The following HSD3B2 variants were observed in gnomAD, a reference collection of about 807,000 sequenced individuals.
HSD3B2 encodes the protein 3 beta-hydroxysteroid dehydrogenase/Delta 5-->4-isomerase type 2.
In HSD3B2, 8 loss-of-function variants were observed where a neutral mutation model predicts 9.9. The observed-to-expected ratio is 0.81, with a 90% CI of 0.47 to 1.46. HSD3B2 has a LOEUF of 1.46. HSD3B2 is among the 40% of genes most tolerant of loss of function. The probability of loss-of-function intolerance (pLI) is 0.00; values close to 1 mark genes in which losing one functional copy is unlikely to be tolerated. For synonymous variants in HSD3B2, 221 were observed against 184.5 expected, an observed-to-expected ratio of 1.20 and a Z score of -1.60; for missense variants, 410 against 448.3, an observed-to-expected ratio of 0.91 and a Z score of 0.77.
intron 3 of HSD3B2, among the ~76,000 whole-genome samples, chr1:119,421,417 G>GTATATATATGTATATATATATATGTA (rs1651858673): frequency 1.1e-5 from 1 of 90,334 alleles, no homozygotes; most frequent in African/African-American, 9.0e-5. Context: ...ATATATATAT[G>GTATATATATGTATATATATATATGTA]TATATATATG....
In HSD3B2 at chr1:119,422,989, A is replaced by C; in HGVS notation, c.*369A>C. Reference sequence around the variant, plus strand: ...TCTCTTTAATCTCCTATTCCTTCACACAGTTCAACATAAAGAGCAATAAAT... The same window carrying C: ...TCTCTTTAATCTCCTATTCCTTCACCCAGTTCAACATAAAGAGCAATAAAT... On this transcript the variant is annotated 3_prime_UTR_variant, in exon 4 of 4. Coordinates refer to ENST00000369416, the MANE Select transcript of HSD3B2 (RefSeq NM_000198.4). The C allele has an allele frequency of 2.5e-6, 1 of 397,222 alleles. No individual in the cohort carries two copies. The highest frequency in any genetic ancestry group is 2.0e-5 in the African/African-American group (1 of 50,070). 24.6% of individuals were successfully genotyped at this position (397,222 alleles called of 1,614,324 possible).
At chr1:119,415,065 C>A, upstream of HSD3B2, 1 of 330,000 alleles carries the variant, frequency 3.0e-6, no homozygotes, top group Non-Finnish European at 5.9e-6. Context: ...GAGGAGGGAG[C>A]AATGAGTATG....
At chr1:119,420,090 G>A (rs778135829) in intron 3 of HSD3B2, among the ~76,000 whole-genome samples, 6 of 152,110 alleles carry the variant, frequency 3.9e-5, no homozygotes, top group African/African-American at 4.8e-5. Flanking sequence ...GGTTCACAGA[G>A]GTCTGTCAGG....
At chr1:119,417,976 G>A (rs1239681466) in intron 2 of HSD3B2, among the ~76,000 whole-genome samples, 1 of 152,114 alleles carries the variant, frequency 6.6e-6, no homozygotes, top group Non-Finnish European at 1.5e-5. Flanking sequence ...CGAGATAGCT[G>A]TAAAAGGAAA....
chr1:119,419,473 A>T lies in HSD3B2; in HGVS notation c.198A>T (p.Pro66=). The change falls in exon 3 of 4, where the codon CCA becomes CCT. Residue 66 remains proline, a synonymous_variant. Coordinates refer to ENST00000369416, the MANE Select transcript of HSD3B2 (RefSeq NM_000198.4). ...TVLEGDILDE[P]FLKRACQDVS... The stretch of plus-strand genomic sequence containing the variant: ...TTGAAGGAGACATTCTGGATGAGCC[A>T]TTCCTGAAAAGAGCCTGCCAGGACG... The T allele has an allele frequency of 1.2e-6, 2 of 1,613,722 alleles. No individual in the cohort carries two copies. Among genetic ancestry groups the T allele is most frequent in the Non-Finnish European group, 1.7e-6 (2 of 1,179,772 alleles).
At chr1:119,419,927 G>C (rs587722573) in intron 3 of HSD3B2, 3 of 343,428 alleles carry the variant, frequency 8.7e-6, no homozygotes, top group Non-Finnish European at 1.7e-5. Flanking sequence ...TCAAATTCAC[G>C]ATATCCAGCT....
chr1:119,415,642 T>C, intron 2 of HSD3B2, 81 bp downstream of exon 2: 4 of 1,465,474 alleles, frequency 2.7e-6, no homozygotes, highest in Non-Finnish European at 3.8e-6. Flanking sequence ...GTCTAGCAAG[T>C]TAAGGAAAGT....
At position 119,422,022 on chromosome 1, in the gene HSD3B2, A is replaced by C; in HGVS notation, c.521A>C (p.Lys174Thr). The C allele has an allele frequency of 1.2e-6, 2 of 1,614,148 alleles. No homozygotes were observed. Among genetic ancestry groups the C allele is most frequent in the Non-Finnish European group, 1.7e-6 (2 of 1,180,000 alleles). The change falls in exon 4 of 4, where the codon AAA (lysine) becomes ACA (threonine). Residue 174 changes from lysine (K) to threonine (T), a missense_variant. Transcript: ENST00000369416. ...CTGGCGGCTAATGGGTGGAATCTAA[A>C]AAATGGTGATACCTTGTACACTTGT... is the stretch of plus-strand genomic sequence containing the variant. Reference protein sequence around the residue: ...AVLAANGWNLKNGDTLYTCAL... With the variant: ...AVLAANGWNLTNGDTLYTCAL...
Position 119,422,917 on chromosome 1 carries a change from G to C in HSD3B2, c.*297G>C, listed in dbSNP as rs1651936740. ...CTCTCTTAACTTGAGGTTCTCTTTT[G>C]ACTAATAGAGCTCCATTTCCCCTCT... On this transcript the variant is annotated 3_prime_UTR_variant, in exon 4 of 4. Coordinates refer to ENST00000369416, the MANE Select transcript of HSD3B2 (RefSeq NM_000198.4). The C allele has an allele frequency of 2.0e-6, 1 of 508,168 alleles. No individual in the cohort carries two copies. The highest frequency in any genetic ancestry group is 3.5e-6 in the Non-Finnish European group (1 of 282,804). The allele number at this position is 508,168 out of a possible 1,614,324, so 31.5% of individuals were successfully genotyped here. A position where few individuals can be genotyped will look rare whatever the true frequency, so the allele number is the denominator to read the frequency against.
intron 2 of HSD3B2, among the ~76,000 whole-genome samples, chr1:119,418,313 C>T (rs1651763905): frequency 6.6e-6 from 1 of 152,142 alleles, no homozygotes; most frequent in Admixed American, 6.5e-5. Context: ...GTAATGGCTC[C>T]ACTCTCCTCC....
At chr1:119,419,645 G>C in intron 3 of HSD3B2, 63 bp downstream of exon 3, 1 of 1,516,000 alleles carries the variant, frequency 6.6e-7, no homozygotes, top group African/African-American at 1.4e-5. Context: ...AGAAGGACAA[G>C]AAAGGGAAGA....
Position 119,422,741 on chromosome 1 carries a change from C to G in HSD3B2, c.*121C>G. 1 of 1,151,724 alleles carries G rather than the reference C, an allele frequency of 8.7e-7. No homozygotes were observed. The highest frequency in any genetic ancestry group is 1.3e-6 in the Non-Finnish European group (1 of 786,006). The allele number at this position is 1,151,724 out of a possible 1,614,324, so 71.3% of individuals were successfully genotyped here. A position where few individuals can be genotyped will look rare whatever the true frequency, so the allele number is the denominator to read the frequency against. On this transcript the variant is annotated 3_prime_UTR_variant, in exon 4 of 4. Transcript: ENST00000369416. ...CCCAGGTCCTGCTGCCTCTCTTTCA[C>G]ACAATGCCCAACTTACTGTCTTCTT...
Position 119,422,283 on chromosome 1 carries a change from A to C in HSD3B2, c.782A>C (p.His261Pro). The C allele has an allele frequency of 1.9e-6, 3 of 1,614,068 alleles. No homozygotes were observed. Among genetic ancestry groups the C allele is most frequent in the Non-Finnish European group, 2.5e-6 (3 of 1,179,990 alleles). ...TATTACATCTCAGATGACACGCCTC[A>C]CCAAAGCTATGATAACCTTAATTAC... Reference protein sequence around the residue: ...QFYYISDDTPHQSYDNLNYIL... With the variant: ...QFYYISDDTPPQSYDNLNYIL... The change falls in exon 4 of 4, where the codon CAC becomes CCC. Residue 261 changes from histidine to proline, a missense_variant. His to Pro is a moderately conservative substitution (Grantham distance 77). Transcript: ENST00000369416.
At chr1:119,421,142 A>G (rs587689705) in intron 3 of HSD3B2, among the ~76,000 whole-genome samples, 1 of 151,986 alleles carries the variant, frequency 6.6e-6, no homozygotes, top group Admixed American at 6.6e-5. Context: ...AAGAGTGTAT[A>G]TTGCCTATAT....
At chr1:119,416,870 G>C (rs1286447453) in intron 2 of HSD3B2, among the ~76,000 whole-genome samples, 1 of 152,172 alleles carries the variant, frequency 6.6e-6, no homozygotes, top group African/African-American at 2.4e-5. Context: ...TCTAACATCT[G>C]ATACCAGGAA....
rs772348263 is a variant in HSD3B2 at position 119,422,533 on chromosome 1, C to T, written c.1032C>T (p.Ser344=). Residue 344 remains serine, a synonymous_variant, in exon 4 of 4, where the codon AGC becomes AGT. Coordinates refer to ENST00000369416, the MANE Select transcript of HSD3B2 (RefSeq NM_000198.4). The part of the protein sequence containing the change: ...QRDLAYKPLY[S]WEEAKQKTVE... ...ATCTGGCGTATAAGCCACTCTACAG[C>T]TGGGAGGAAGCCAAGCAGAAAACCG... The T allele has an allele frequency of 1.4e-5, 23 of 1,613,992 alleles. No individual in the cohort carries two copies. The highest frequency in any genetic ancestry group is 1.8e-5 in the Non-Finnish European group (21 of 1,180,002).
At position 119,420,181 on chromosome 1, in the gene HSD3B2, A is replaced by G. The variant is rs143482127; in HGVS notation, c.307+599A>G. Among the ~76,000 whole-genome samples, 217 of 152,306 alleles carry G rather than the reference A, an allele frequency of 1.4e-3. 1 individual carries two copies. The highest frequency in any genetic ancestry group is 2.0e-3 in the Non-Finnish European group (137 of 68,026). On this transcript the variant is annotated intron_variant, in intron 3 of 3. Coordinates refer to ENST00000369416, the MANE Select transcript of HSD3B2 (RefSeq NM_000198.4). ...CCAGTGTCCAGAATACAATCTCTTC[A>G]GCTCACCACAGGGTCTACTATTACA...
Position 119,422,759 on chromosome 1 carries a change from G to A in HSD3B2, c.*139G>A. 6 of 1,012,284 alleles carry A rather than the reference G, an allele frequency of 5.9e-6. No individual in the cohort carries two copies. In the South Asian group the frequency reaches 8.6e-5, roughly 14 times the overall value. The allele number at this position is 1,012,284 out of a possible 1,614,324, so 62.7% of individuals were successfully genotyped here. ...TCTTTCACACAATGCCCAACTTACT[G>A]TCTTCTTCATGTCATCAAAATCTGC... On this transcript the variant is annotated 3_prime_UTR_variant, in exon 4 of 4. Transcript: ENST00000369416.
chr1:119,419,407 T>C lies in HSD3B2; in HGVS notation c.143-11T>C. The C allele has an allele frequency of 5.0e-6, 8 of 1,613,674 alleles. No individual in the cohort carries two copies. The highest frequency in any genetic ancestry group is 6.8e-6 in the Non-Finnish European group (8 of 1,179,714). ...GAAATCTTTCCAATGACCTGACCTGTGTTCACACAGAGCTCCAGAACAGGA... is the reference window on the plus strand; with the variant it reads ...GAAATCTTTCCAATGACCTGACCTGCGTTCACACAGAGCTCCAGAACAGGA... On this transcript the variant is annotated splice_polypyrimidine_tract_variant and intron_variant, in intron 2 of 3. Transcript: ENST00000369416.
Sources: gnomAD v4.1 joint callset for allele counts (sites outside exome capture counted in the v4.1 genomes callset) on GRCh38, gnomAD v4.1.1 for gene constraint, MANE v1.5 for transcripts, NCBI Gene and HGNC (gene_info 2026-07-23, HGNC 2026-07-21) for gene names.